PLPPR1: variants seen among roughly 807,000 people sequenced by gnomAD.
PLPPR1 encodes the protein phospholipid phosphatase-related protein type 1.
PLPPR1 carries 10 observed loss-of-function variants against 33.1 expected under a neutral mutation model. The observed-to-expected ratio is 0.30, with a 90% CI of 0.19 to 0.51. The LOEUF (loss-of-function observed/expected upper bound fraction) is 0.51, where lower values mean the gene tolerates loss of function less well. PLPPR1 is among the 20% of genes least tolerant of loss of function. The pLI is 0.97. For synonymous variants in PLPPR1, 151 were observed against 151.0 expected, an observed-to-expected ratio of 1.00 and a Z score of 0.00; for missense variants, 304 against 408.1, an observed-to-expected ratio of 0.74 and a Z score of 2.20.
intron 4 of PLPPR1, among the ~76,000 whole-genome samples, chr9:101,288,901 AC>A (rs1416152397): frequency 6.6e-6 from 1 of 152,204 alleles, no homozygotes; most frequent in African/African-American, 2.4e-5. Flanking sequence ...CCATCTATTG[AC>A]CGTTTTGTAG....
At chr9:101,196,570 T>C (rs992062349) in intron 2 of PLPPR1, among the ~76,000 whole-genome samples, 2 of 152,186 alleles carry the variant, frequency 1.3e-5, no homozygotes, top group African/African-American at 4.8e-5. Context: ...GATTAAAGAA[T>C]TATATTGTTG....
intron 2 of PLPPR1, among the ~76,000 whole-genome samples, chr9:101,196,860 G>A (rs983733903): frequency 5.4e-5 from 8 of 148,836 alleles, no homozygotes; most frequent in African/African-American, 1.7e-4. Flanking sequence ...GCAAGACTCT[G>A]TCTCAAAAAA....
intron 4 of PLPPR1, among the ~76,000 whole-genome samples, chr9:101,293,477 C>T (rs1437731163): frequency 6.6e-6 from 1 of 152,052 alleles, no homozygotes; most frequent in African/African-American, 2.4e-5. Flanking sequence ...CAGAACTCTC[C>T]ACCCCAAATC....
chr9:101,269,862 G>A lies in PLPPR1; in HGVS notation c.64-18G>A. ...GAAGCCCTGCTAATGTCTCTGTGTG[G>A]CCATGCTGTATTTTCAGCTTGTCAT... On this transcript the variant is annotated intron_variant, in intron 2 of 7. Coordinates refer to ENST00000374874, the MANE Select transcript of PLPPR1 (RefSeq NM_207299.2). The A allele has an allele frequency of 6.2e-7, 1 of 1,613,324 alleles. No homozygotes were observed. Among genetic ancestry groups the A allele is most frequent in the Non-Finnish European group, 8.5e-7 (1 of 1,179,746 alleles).
rs1025510421 is a variant in PLPPR1 at position 101,312,649 on chromosome 9, A to G, written c.637-149A>G. 11 of 570,572 alleles carry G rather than the reference A, an allele frequency of 1.9e-5. No homozygotes were observed. The East Asian group carries it at 3.1e-4, about 16-fold the overall frequency. 35.3% of individuals were successfully genotyped at this position (570,572 alleles called of 1,614,324 possible). On this transcript the variant is annotated intron_variant, in intron 5 of 7. Coordinates refer to ENST00000374874, the MANE Select transcript of PLPPR1 (RefSeq NM_207299.2). ...CCTAAATAATTTATTAAATATCTTAATGGAGTTGTTCAAGGAATACTAGTT... is the reference window on the plus strand; with the variant it reads ...CCTAAATAATTTATTAAATATCTTAGTGGAGTTGTTCAAGGAATACTAGTT...
At chr9:101,318,294 TC>T (rs1478787479) in intron 7 of PLPPR1, among the ~76,000 whole-genome samples, 1 of 152,116 alleles carries the variant, frequency 6.6e-6, no homozygotes, top group Non-Finnish European at 1.5e-5. Context: ...AAAAATCTAC[TC>T]CATGTGAGAA....
intron 1 of PLPPR1, among the ~76,000 whole-genome samples, chr9:101,148,633 T>C (rs188913708): frequency 6.6e-5 from 10 of 152,250 alleles, no homozygotes; most frequent in African/African-American, 2.4e-4. Context: ...CTCTTAAAGA[T>C]TTTTTGCCAG....
chr9:101,095,957 T>C (rs1830811890), intron 1 of PLPPR1, among the ~76,000 whole-genome samples: 1 of 152,166 alleles, frequency 6.6e-6, no homozygotes, highest in Non-Finnish European at 1.5e-5. Flanking sequence ...TTCCCTGAAA[T>C]GAATGAACAT....
intron 2 of PLPPR1, among the ~76,000 whole-genome samples, chr9:101,251,539 A>G (rs187576433): frequency 4.8e-3 from 725 of 152,240 alleles, no homozygotes; most frequent in Middle Eastern, 6.8e-3. Context: ...AGATTTGACC[A>G]TGCCACTGCC....
intron 1 of PLPPR1, among the ~76,000 whole-genome samples, chr9:101,180,380 TAAAAAC>T (rs1348170406): frequency 6.7e-6 from 1 of 149,770 alleles, no homozygotes; most frequent in Admixed American, 6.7e-5. Flanking sequence ...TTCACAGAAA[TAAAAAC>T]AATTCTAAAA....
intron 1 of PLPPR1, among the ~76,000 whole-genome samples, chr9:101,055,924 G>A (rs369171905): frequency 7.9e-5 from 12 of 152,254 alleles, no homozygotes; most frequent in East Asian, 1.9e-4. Flanking sequence ...TGGAATTTAC[G>A]TCATGTTCCC....
intron 3 of PLPPR1, among the ~76,000 whole-genome samples, chr9:101,276,237 A>T (rs1180908960): frequency 3.3e-5 from 5 of 152,168 alleles, no homozygotes; most frequent in Non-Finnish European, 7.4e-5. Flanking sequence ...TTTTAAAAAA[A>T]AATTCACAAC....
chr9:101,221,737 G>C (rs867058343), intron 2 of PLPPR1, among the ~76,000 whole-genome samples: 1 of 152,116 alleles, frequency 6.6e-6, no homozygotes, highest in Admixed American at 6.5e-5. Flanking sequence ...AATGATGGCT[G>C]TTTCACTCTG....
At chr9:101,125,395 CT>C (rs559467735) in intron 1 of PLPPR1, 177 of 187,138 alleles carry the variant, frequency 9.5e-4, no homozygotes, top group African/African-American at 3.9e-3. Flanking sequence ...TTTATCTCTG[CT>C]TACTTACTTA....
chr9:101,165,468 A>T (rs966788060), intron 1 of PLPPR1, among the ~76,000 whole-genome samples: 1 of 152,232 alleles, frequency 6.6e-6, no homozygotes, highest in African/African-American at 2.4e-5. Context: ...AAGAGAAAAT[A>T]AAGGATGCAA....
chr9:101,078,281 A>C (rs1830574805), intron 1 of PLPPR1, among the ~76,000 whole-genome samples: 2 of 143,598 alleles, frequency 1.4e-5, no homozygotes, highest in African/African-American at 2.6e-5. Flanking sequence ...CTGAGTTCTG[A>C]GATCTGGCAA....
At chr9:101,227,387 C>T (rs907118844) in intron 2 of PLPPR1, among the ~76,000 whole-genome samples, 5 of 152,124 alleles carry the variant, frequency 3.3e-5, no homozygotes, top group Non-Finnish European at 7.4e-5. Context: ...TTTTGATTTG[C>T]ATTTCTAATG....
At chr9:101,168,778 C>T (rs1173399054) in intron 1 of PLPPR1, among the ~76,000 whole-genome samples, 6 of 152,122 alleles carry the variant, frequency 3.9e-5, no homozygotes, top group Non-Finnish European at 7.4e-5. Flanking sequence ...ATGAGGAACA[C>T]TAAAGGCTTT....
At chr9:101,175,827 A>G (rs927889530) in intron 1 of PLPPR1, among the ~76,000 whole-genome samples, 12 of 152,188 alleles carry the variant, frequency 7.9e-5, no homozygotes, top group African/African-American at 2.4e-4. Flanking sequence ...CTTCAAAAAG[A>G]GTTGTGATGA....
Sources: allele counts gnomAD v4.1 joint callset (sites outside exome capture counted in the v4.1 genomes callset), GRCh38; gene constraint gnomAD v4.1.1; transcripts MANE v1.5; gene names NCBI Gene and HGNC (gene_info 2026-07-23, HGNC 2026-07-21).